Variants in MTHFD2L observed in about 807,000 individuals in gnomAD.
MTHFD2L encodes bifunctional methylenetetrahydrofolate dehydrogenase/cyclohydrolase 2, mitochondrial.
A neutral mutation model predicts 34.9 loss-of-function variants in MTHFD2L; 29 were observed. The ratio of observed to expected loss-of-function variants is 0.83; its 90% CI spans 0.62 to 1.13. MTHFD2L has a LOEUF of 1.13. Ranked by LOEUF, MTHFD2L falls within the 50% of genes most tolerant of loss-of-function variation. MTHFD2L has a pLI of 0.00. For missense variants in MTHFD2L, 481 were observed against 446.5 expected, an observed-to-expected ratio of 1.08 and a Z score of -0.70; for synonymous variants, 167 against 155.7, an observed-to-expected ratio of 1.07 and a Z score of -0.54.
chr4:74,258,915 A>T (rs1462260699), intron 6 of MTHFD2L, among the ~76,000 whole-genome samples: 2 of 152,138 alleles, frequency 1.3e-5, no homozygotes, highest in African/African-American at 4.8e-5. Flanking sequence ...TAAAAAAAAT[A>T]AATAAATAAC....
intron 7 of MTHFD2L, among the ~76,000 whole-genome samples, chr4:74,300,643 A>G (rs890605263): frequency 1.3e-5 from 2 of 152,016 alleles, no homozygotes; most frequent in African/African-American, 2.4e-5. Context: ...CAAGTAAATG[A>G]ATGCAGTAAG....
At chr4:74,130,296 T>C (rs1722387460) in intron 1 of MTHFD2L, among the ~76,000 whole-genome samples, 1 of 152,034 alleles carries the variant, frequency 6.6e-6, no homozygotes, top group African/African-American at 2.4e-5. Context: ...AAAGAAAACT[T>C]CAGGCCAATA....
chr4:74,240,262 A>C (rs1180726785), intron 6 of MTHFD2L, among the ~76,000 whole-genome samples: 1 of 152,212 alleles, frequency 6.6e-6, no homozygotes, highest in Non-Finnish European at 1.5e-5. Flanking sequence ...AATTTCTACA[A>C]ATACAAATAA....
At chr4:74,210,067 G>A (rs937022625) in intron 5 of MTHFD2L, among the ~76,000 whole-genome samples, 1 of 151,740 alleles carries the variant, frequency 6.6e-6, no homozygotes, top group Non-Finnish European at 1.5e-5. Flanking sequence ...TTAAATTTAA[G>A]TTTCTTGTAG....
intron 1 of MTHFD2L, among the ~76,000 whole-genome samples, chr4:74,148,406 TAGAC>T (rs1306000145): frequency 1.4e-5 from 2 of 146,270 alleles, no homozygotes; most frequent in Non-Finnish European, 3.0e-5. Flanking sequence ...TCTATCTATT[TAGAC>T]AGAGTTTTGC....
At chr4:74,185,172 AAAAAAAAT>A (rs1444446157) in intron 3 of MTHFD2L, among the ~76,000 whole-genome samples, 2 of 150,682 alleles carry the variant, frequency 1.3e-5, no homozygotes, top group African/African-American at 4.9e-5. Context: ...AAAAAAAAAA[AAAAAAAAT>A]CTGGAAAATC....
chr4:74,296,309 C>G (rs530169112), intron 7 of MTHFD2L, among the ~76,000 whole-genome samples: 3 of 152,240 alleles, frequency 2.0e-5, no homozygotes, highest in South Asian at 4.1e-4. Flanking sequence ...AAGAATAACT[C>G]TGGCAGCAAA....
intron 6 of MTHFD2L, among the ~76,000 whole-genome samples, chr4:74,263,918 A>G (rs1744988191): frequency 6.6e-6 from 1 of 152,076 alleles, no homozygotes; most frequent in Admixed American, 6.6e-5. Context: ...AAATCTGTCC[A>G]TGTAATTTAC....
At chr4:74,194,065 G>C (rs1271832467) in intron 3 of MTHFD2L, 2 of 152,090 alleles carry the variant, frequency 1.3e-5, no homozygotes, top group Admixed American at 6.6e-5. Flanking sequence ...TCAGATTGGG[G>C]ACTTAAAGAT....
At chr4:74,267,124 A>C (rs1745374628) in intron 6 of MTHFD2L, 8 of 985,168 alleles carry the variant, frequency 8.1e-6, no homozygotes, top group Non-Finnish European at 9.6e-6. Flanking sequence ...AATGTTTCTA[A>C]AATGTTTGAA....
intron 6 of MTHFD2L, among the ~76,000 whole-genome samples, chr4:74,226,187 T>C (rs1318294643): frequency 1.7e-5 from 2 of 117,122 alleles, no homozygotes; most frequent in African/African-American, 5.0e-5. Context: ...CCATTTTGGT[T>C]GACAAAAAAA....
intron 6 of MTHFD2L, among the ~76,000 whole-genome samples, chr4:74,254,311 A>G (rs1743703833): frequency 1.3e-5 from 2 of 152,180 alleles, no homozygotes; most frequent in African/African-American, 2.4e-5. Flanking sequence ...GATTGAACCA[A>G]AAGAGGTATA....
chr4:74,150,880 C>A (rs1723893602), intron 1 of MTHFD2L, among the ~76,000 whole-genome samples: 1 of 151,518 alleles, frequency 6.6e-6, no homozygotes, highest in Non-Finnish European at 1.5e-5. Context: ...AACAAGAAGG[C>A]TTAACAAAAT....
intron 3 of MTHFD2L, among the ~76,000 whole-genome samples, chr4:74,179,359 G>A (rs1053913941): frequency 2.6e-5 from 4 of 151,878 alleles, no homozygotes; most frequent in African/African-American, 9.7e-5. Context: ...TATTTTTTAC[G>A]ATTTTTACCT....
At chr4:74,294,673 A>G (rs1052301917) in intron 7 of MTHFD2L, among the ~76,000 whole-genome samples, 3 of 152,044 alleles carry the variant, frequency 2.0e-5, no homozygotes, top group African/African-American at 4.8e-5. Context: ...TTCTTCCATC[A>G]TCTCTATCAT....
chr4:74,158,101 A>G, upstream of MTHFD2L: 1 of 1,531,802 alleles, frequency 6.5e-7, no homozygotes, highest in Non-Finnish European at 8.7e-7. Flanking sequence ...GAGTCGCGGG[A>G]GGTGGAGCCC....
chr4:74,194,731 G>A (rs762427380), intron 3 of MTHFD2L: 1 of 152,208 alleles, frequency 6.6e-6, no homozygotes, highest in Non-Finnish European at 1.5e-5. Flanking sequence ...GCCAATCACT[G>A]AGTTTTGGCC....
chr4:74,157,991 A>AT (rs1428798471), upstream of MTHFD2L: 22 of 1,233,660 alleles, frequency 1.8e-5, no homozygotes, highest in Non-Finnish European at 2.4e-5. Flanking sequence ...ACCGCTCTTT[A>AT]CCCCACTCTG....
chr4:74,275,495 G>T (rs1479629741), intron 6 of MTHFD2L, among the ~76,000 whole-genome samples: 1 of 152,016 alleles, frequency 6.6e-6, no homozygotes, highest in East Asian at 1.9e-4. Flanking sequence ...TGGTATTTCT[G>T]ATTCTAGATC....
Sources: allele counts gnomAD v4.1 joint callset (sites outside exome capture counted in the v4.1 genomes callset), GRCh38; gene constraint gnomAD v4.1.1; transcripts MANE v1.5; gene names NCBI Gene and HGNC (gene_info 2026-07-23, HGNC 2026-07-21).